The following ERBB4 variants were observed in gnomAD, a reference collection of about 807,000 sequenced individuals.
ERBB4 encodes receptor tyrosine-protein kinase erbB-4.
In ERBB4, 42 loss-of-function variants were observed where a neutral mutation model predicts 158.0. The ratio of observed to expected loss-of-function variants is 0.27; its 90% CI spans 0.21 to 0.34. The LOEUF is 0.34. ERBB4 is among the 10% of genes least tolerant of loss of function. ERBB4 has a pLI of 1.00. For synonymous variants in ERBB4, 583 were observed against 558.7 expected, an observed-to-expected ratio of 1.04 and a Z score of -0.61; for missense variants, 1,333 against 1,624.1, an observed-to-expected ratio of 0.82 and a Z score of 3.08.
chr2:211,529,515 A>G (rs187991455), intron 20 of ERBB4, among the ~76,000 whole-genome samples: 83 of 152,204 alleles, frequency 5.5e-4, no homozygotes, highest in Non-Finnish European at 9.0e-4. Flanking sequence ...CTAGTATTAC[A>G]CTGATGCCAA....
intron 4 of ERBB4, among the ~76,000 whole-genome samples, chr2:211,762,401 C>A (rs1009874488): frequency 1.3e-5 from 2 of 152,210 alleles, no homozygotes; most frequent in African/African-American, 4.8e-5. Context: ...TAACCCAACT[C>A]CAGTGAAACT....
chr2:211,936,550 C>G (rs200329142), intron 3 of ERBB4, among the ~76,000 whole-genome samples: 1 of 151,770 alleles, frequency 6.6e-6, no homozygotes, highest in African/African-American at 2.4e-5. Context: ...GTTATACAGA[C>G]GGATCATAAA....
At chr2:212,142,660 A>G (rs2080523492) in intron 1 of ERBB4, among the ~76,000 whole-genome samples, 1 of 149,320 alleles carries the variant, frequency 6.7e-6, no homozygotes, top group South Asian at 2.1e-4. Context: ...TAGTTATATA[A>G]CTCTAATATA....
chr2:212,049,930 T>C (rs2077355560), intron 2 of ERBB4, among the ~76,000 whole-genome samples: 1 of 152,158 alleles, frequency 6.6e-6, no homozygotes, highest in Non-Finnish European at 1.5e-5. Flanking sequence ...GACCCATCAA[T>C]AGAAAATACG....
At position 211,747,446 on chromosome 2, in the gene ERBB4, T is replaced by G. The variant is rs62183022; in HGVS notation, c.622+3193A>C. ...AAACACTGCCCTGTGAAGTAAAGGGTAAAGTGTCCCATAAAACAAACATGG... is the reference window on the plus strand; with the variant it reads ...AAACACTGCCCTGTGAAGTAAAGGGGAAAGTGTCCCATAAAACAAACATGG... On this transcript the variant is annotated intron_variant, in intron 5 of 27. Transcript: ENST00000342788. Among the ~76,000 whole-genome samples the G allele has an allele frequency of 6.9e-3, 1,052 of 151,856 alleles. 7 individuals carry two copies. Among genetic ancestry groups the G allele is most frequent in the Middle Eastern group, 0.017 (5 of 292 alleles).
chr2:211,933,715 A>G (rs1161989169), intron 3 of ERBB4, among the ~76,000 whole-genome samples: 1 of 152,042 alleles, frequency 6.6e-6, no homozygotes, highest in East Asian at 1.9e-4. Flanking sequence ...CCTCATCTTA[A>G]GTAAATTATT....
chr2:211,571,036 T>TTCC (rs2067710357), intron 19 of ERBB4, among the ~76,000 whole-genome samples: 21 of 63,388 alleles, frequency 3.3e-4, no homozygotes, highest in African/African-American at 1.4e-3. Context: ...CTGAGTACTC[T>TTCC]TCTTCTTTTT....
intron 25 of ERBB4, among the ~76,000 whole-genome samples, chr2:211,414,491 A>G (rs1486123263): frequency 8.8e-6 from 1 of 113,834 alleles, no homozygotes; most frequent in Non-Finnish European, 1.9e-5. Context: ...GCCAAGACAC[A>G]GTCTCAATTA....
At chr2:211,636,664 C>G (rs2070374460) in intron 16 of ERBB4, among the ~76,000 whole-genome samples, 1 of 151,738 alleles carries the variant, frequency 6.6e-6, no homozygotes, top group African/African-American at 2.4e-5. Context: ...TACATTTAGC[C>G]CAATCTAAAG....
intron 1 of ERBB4, among the ~76,000 whole-genome samples, chr2:212,461,402 T>A (rs1025200487): frequency 6.6e-6 from 1 of 152,104 alleles, no homozygotes; most frequent in African/African-American, 2.4e-5. Flanking sequence ...AAAAGATCAT[T>A]TTGGAGCTTT....
At chr2:211,574,128 A>G (rs12694241) in intron 19 of ERBB4, among the ~76,000 whole-genome samples, 136,613 of 151,980 alleles carry the variant, frequency 0.9, 61,549 homozygotes, top group African/African-American at 0.95. Flanking sequence ...ATAAGGCATG[A>G]CTGAATCTGG....
chr2:211,765,906 T>C (rs1441242533), intron 4 of ERBB4, among the ~76,000 whole-genome samples: 1 of 152,204 alleles, frequency 6.6e-6, no homozygotes, highest in East Asian at 1.9e-4. Context: ...AGAGTTTGAA[T>C]TGATGCCACA....
chr2:211,882,779 G>A (rs1393068404), intron 3 of ERBB4, among the ~76,000 whole-genome samples: 2 of 152,082 alleles, frequency 1.3e-5, no homozygotes, highest in African/African-American at 4.8e-5. Flanking sequence ...GCTACACTGT[G>A]GTACCAGTTC....
intron 1 of ERBB4, among the ~76,000 whole-genome samples, chr2:212,324,641 C>T (rs1041129362): frequency 6.7e-6 from 1 of 150,158 alleles, no homozygotes; most frequent in Non-Finnish European, 1.5e-5. Flanking sequence ...TTGCCTACAT[C>T]TTACTAAATC....
chr2:212,133,396 G>GTTTTTTTTTTTTTTTTT (rs575131971), intron 1 of ERBB4, among the ~76,000 whole-genome samples: 1 of 137,136 alleles, frequency 7.3e-6, no homozygotes, highest in African/African-American at 3.0e-5. Flanking sequence ...TCATTTTGGT[G>GTTTTTTTTTTTTTTTTT]TTTTTTTTTT....
intron 16 of ERBB4, among the ~76,000 whole-genome samples, chr2:211,636,305 T>A (rs1395476920): frequency 6.6e-6 from 1 of 152,026 alleles, no homozygotes; most frequent in Admixed American, 6.6e-5. Flanking sequence ...AGAAAGATGC[T>A]TTGGAGCCAG....
intron 3 of ERBB4, among the ~76,000 whole-genome samples, chr2:211,842,047 A>G (rs2077481792): frequency 6.6e-6 from 1 of 152,048 alleles, no homozygotes; most frequent in African/African-American, 2.4e-5. Flanking sequence ...ATTTCTAAAC[A>G]TATGTCTGTT....
chr2:212,056,572 T>C lies in ERBB4; in HGVS notation c.234+68180A>G, dbSNP rs188431487. 1.8e-3 allele frequency among the ~76,000 whole-genome samples: 274 copies of C among 152,298 alleles called. 3 individuals are homozygous for C. The highest frequency in any genetic ancestry group is 6.2e-3 in the African/African-American group (259 of 41,568). ...AAAGGGAAGCCCATCAGACTAACAGTGGATCTCTTGGCAGAAACTCTACAA... is the reference window on the plus strand; with the variant it reads ...AAAGGGAAGCCCATCAGACTAACAGCGGATCTCTTGGCAGAAACTCTACAA... On this transcript the variant is annotated intron_variant, in intron 2 of 27. Transcript: ENST00000342788.
At chr2:212,162,527 A>G (rs1021378977) in intron 1 of ERBB4, among the ~76,000 whole-genome samples, 2 of 151,902 alleles carry the variant, frequency 1.3e-5, no homozygotes, top group Non-Finnish European at 2.9e-5. Flanking sequence ...CATAGTGAAT[A>G]TGCACTTAAG....
Sources: allele counts gnomAD v4.1 joint callset (sites outside exome capture counted in the v4.1 genomes callset), GRCh38; gene constraint gnomAD v4.1.1; transcripts MANE v1.5; gene names NCBI Gene and HGNC (gene_info 2026-07-23, HGNC 2026-07-21).